Variants in ALK observed in about 807,000 individuals in gnomAD.
ALK encodes ALK receptor tyrosine kinase, also known as ALK tyrosine kinase receptor.
In ALK, 74 loss-of-function variants were observed where a neutral mutation model predicts 163.1. The observed-to-expected ratio is 0.45, with a 90% CI of 0.38 to 0.55. The LOEUF is 0.55. Ranked by LOEUF, ALK falls within the 20% of genes least tolerant of loss-of-function variation. The pLI is 0.00. For synonymous variants in ALK, 960 were observed against 843.2 expected (o/e 1.14, Z -2.40); for missense variants, 2,063 against 2,105.3 (o/e 0.98, Z 0.39).
At chr2:29,518,151 C>T (rs62131075) in intron 4 of ALK, among the ~76,000 whole-genome samples, 9,535 of 152,226 alleles carry the variant, frequency 0.063, 424 homozygotes, top group Non-Finnish European at 0.097. Flanking sequence ...GAACTCCAGG[C>T]CCATTTTAAA....
chr2:29,805,196 G>C (rs1489486062), intron 1 of ALK, among the ~76,000 whole-genome samples: 2 of 152,168 alleles, frequency 1.3e-5, no homozygotes, highest in Non-Finnish European at 2.9e-5. Context: ...ATGACTGTGA[G>C]GGCAGCTAAC....
chr2:29,761,748 T>C (rs1257175880), intron 1 of ALK, among the ~76,000 whole-genome samples: 2 of 152,210 alleles, frequency 1.3e-5, no homozygotes, highest in Non-Finnish European at 2.9e-5. Context: ...AAATGGCTTG[T>C]CCTCTGTGAA....
chr2:29,902,159 A>C (rs1381414654), intron 1 of ALK, among the ~76,000 whole-genome samples: 1 of 152,226 alleles, frequency 6.6e-6, no homozygotes, highest in Non-Finnish European at 1.5e-5. Flanking sequence ...AGCAGGACAC[A>C]GCTGCTTGGA....
chr2:29,329,202 T>A (rs1428852268), intron 5 of ALK, among the ~76,000 whole-genome samples: 1 of 152,222 alleles, frequency 6.6e-6, no homozygotes, highest in East Asian at 1.9e-4. Context: ...GGGCAGTTTA[T>A]AATGAACATA....
At chr2:29,771,575 C>T (rs1177752232) in intron 1 of ALK, among the ~76,000 whole-genome samples, 2 of 151,392 alleles carry the variant, frequency 1.3e-5, no homozygotes, top group African/African-American at 2.4e-5. Context: ...CACTCTGTCG[C>T]CCAGGCTGGA....
intron 3 of ALK, among the ~76,000 whole-genome samples, chr2:29,540,599 A>T (rs1673388691): frequency 6.6e-6 from 1 of 150,920 alleles, no homozygotes; most frequent in Non-Finnish European, 1.5e-5. Flanking sequence ...TTTTAAAAAA[A>T]AAAAACCCTA....
At chr2:29,232,156 C>T (rs1664228618) in intron 15 of ALK, 148 bp downstream of exon 15, 1 of 1,175,684 alleles carries the variant, frequency 8.5e-7, no homozygotes, top group Non-Finnish European at 1.3e-6. Flanking sequence ...GCTGCCTGCC[C>T]TCCCTCCCTG....
chr2:29,898,889 G>A (rs1429196637), intron 1 of ALK, among the ~76,000 whole-genome samples: 1 of 152,182 alleles, frequency 6.6e-6, no homozygotes, highest in Non-Finnish European at 1.5e-5. Context: ...CTCAGTGTTT[G>A]ATATCCATCT....
intron 3 of ALK, among the ~76,000 whole-genome samples, chr2:29,651,766 G>A (rs958497982): frequency 1.3e-5 from 2 of 152,152 alleles, no homozygotes; most frequent in East Asian, 1.9e-4. Flanking sequence ...TGCCTTTATT[G>A]AATCTTTCTG....
chr2:29,571,177 G>A (rs932398810), intron 3 of ALK, among the ~76,000 whole-genome samples: 1 of 152,088 alleles, frequency 6.6e-6, no homozygotes, highest in African/African-American at 2.4e-5. Flanking sequence ...GACACCTAAG[G>A]GGCCACAAAG....
At chr2:29,646,354 C>T (rs1676875565) in intron 3 of ALK, among the ~76,000 whole-genome samples, 1 of 152,112 alleles carries the variant, frequency 6.6e-6, no homozygotes, top group Admixed American at 6.6e-5. Flanking sequence ...CTTTTTCTTG[C>T]TTAGTTTCTT....
intron 2 of ALK, among the ~76,000 whole-genome samples, chr2:29,708,021 G>A (rs1653812094): frequency 1.3e-5 from 2 of 152,204 alleles, no homozygotes; most frequent in African/African-American, 4.8e-5. Context: ...CTTTCAGGCA[G>A]AGGCTGGAAG....
intron 4 of ALK, among the ~76,000 whole-genome samples, chr2:29,452,364 C>T (rs1445537951): frequency 6.8e-6 from 1 of 147,782 alleles, no homozygotes. Context: ...TCATTCAGGA[C>T]TCAGCTTAAA....
At chr2:29,547,877 C>T (rs1243492258) in intron 3 of ALK, among the ~76,000 whole-genome samples, 1 of 152,176 alleles carries the variant, frequency 6.6e-6, no homozygotes, top group East Asian at 1.9e-4. Context: ...TATAGAACAC[C>T]CAGTTCAATG....
At chr2:29,197,705 G>A in intron 26 of ALK, 29 bp from the exon 27 acceptor site, 2 of 1,587,756 alleles carry the variant, frequency 1.3e-6, no homozygotes, top group Non-Finnish European at 8.6e-7. Flanking sequence ...ACATGGAGAT[G>A]GATATAGACA....
chr2:29,385,983 C>T (rs1001814494), intron 4 of ALK, among the ~76,000 whole-genome samples: 6 of 152,160 alleles, frequency 3.9e-5, no homozygotes, highest in Non-Finnish European at 4.4e-5. Flanking sequence ...CACAGTAAAT[C>T]GGGGGCCCAT....
intron 3 of ALK, among the ~76,000 whole-genome samples, chr2:29,536,215 C>G (rs1673251616): frequency 1.3e-5 from 2 of 152,102 alleles, no homozygotes. Flanking sequence ...ATATGATTCC[C>G]AGTGTTGGAG....
chr2:29,360,863 G>T (rs1301834158), intron 5 of ALK, among the ~76,000 whole-genome samples: 1 of 152,214 alleles, frequency 6.6e-6, no homozygotes, highest in Non-Finnish European at 1.5e-5. Flanking sequence ...AAGCTTACTT[G>T]TTCTGGGTTC....
chr2:29,230,488 T>A (rs1350383563), intron 15 of ALK, among the ~76,000 whole-genome samples: 1 of 152,112 alleles, frequency 6.6e-6, no homozygotes, highest in African/African-American at 2.4e-5. Context: ...ACCCTACGGG[T>A]GAACCGGCCT....
Sources: gnomAD v4.1 joint callset for allele counts (sites outside exome capture counted in the v4.1 genomes callset) on GRCh38, gnomAD v4.1.1 for gene constraint, MANE v1.5 for transcripts, NCBI Gene and HGNC (gene_info 2026-07-23, HGNC 2026-07-21) for gene names.